The following ERCC6 variants were observed in gnomAD, a reference collection of about 807,000 sequenced individuals.
ERCC6 encodes the protein ERCC excision repair 6, chromatin remodeling factor, also known as DNA excision repair protein ERCC-6.
Under a neutral mutation model 158.7 loss-of-function variants are expected in ERCC6, and 116 were observed. The ratio of observed to expected loss-of-function variants is 0.73; its 90% CI spans 0.63 to 0.85. The LOEUF (loss-of-function observed/expected upper bound fraction) is 0.85, where lower values mean the gene tolerates loss of function less well. Among genes scored for constraint, ERCC6 ranks in the 40% least tolerant of loss-of-function variants. The pLI is 0.00. For missense variants in ERCC6, 1,698 were observed against 1,799.4 expected, an observed-to-expected ratio of 0.94 and a Z score of 1.02; for synonymous variants, 678 against 659.3, an observed-to-expected ratio of 1.03 and a Z score of -0.43.
chr10:49,528,517 C>A lies in ERCC6; in HGVS notation c.552G>T (p.Gln184His). The A allele has an allele frequency of 1.2e-6, 2 of 1,614,088 alleles. No individual in the cohort carries two copies. Among genetic ancestry groups the A allele is most frequent in the Non-Finnish European group, 1.7e-6 (2 of 1,180,006 alleles). The part of the protein sequence containing the change: ...VKRQKYNKEQ[Q>H]LKKITAKQKH... ...TTTGTTTTGCAGTGATCTTTTTTAG[C>A]TGTTGTTCCTTGAATGGTAAATATA... is the stretch of plus-strand genomic sequence containing the variant. Residue 184 changes from glutamine to histidine, a missense_variant, in exon 4 of 21, where the codon CAG becomes CAT. By Grantham distance (24) the Gln-to-His change is conservative. Transcript: ENST00000355832.
chr10:49,466,484 G>C (rs1352105629), intron 18 of ERCC6, among the ~76,000 whole-genome samples: 2 of 152,200 alleles, frequency 1.3e-5, no homozygotes, highest in Admixed American at 1.3e-4. Context: ...GAGCTTATTA[G>C]AGTGTAACTG....
chr10:49,520,487 A>G (rs1837126760), intron 5 of ERCC6, among the ~76,000 whole-genome samples: 1 of 152,180 alleles, frequency 6.6e-6, no homozygotes, highest in Non-Finnish European at 1.5e-5. Context: ...CATATCTGGA[A>G]ATGCATTTTC....
In ERCC6 at chr10:49,513,018, C is replaced by A. The variant is rs561109792; in HGVS notation, c.1398-7006G>T. Among the ~76,000 whole-genome samples the A allele has an allele frequency of 1.6e-3, 250 of 152,314 alleles. 2 individuals carry two copies. The highest frequency in any genetic ancestry group is 2.3e-3 in the Non-Finnish European group (154 of 68,024). On this transcript the variant is annotated intron_variant, in intron 5 of 20. Coordinates refer to ENST00000355832, the MANE Select transcript of ERCC6 (RefSeq NM_000124.4). ...CCCTCCTTCACGGTTCTCACAGACC[C>A]TCATTTCAAGCATCTTACTGCCTTG...
intron 15 of ERCC6, 159 bp from the exon 16 acceptor site, chr10:49,472,629 A>T: frequency 1.2e-6 from 1 of 812,054 alleles, no homozygotes; most frequent in Non-Finnish European, 2.0e-6. Context: ...GAAGATGAAC[A>T]GCCAGTTGAA....
chr10:49,514,677 C>T (rs1174846042), intron 5 of ERCC6, among the ~76,000 whole-genome samples: 1 of 152,166 alleles, frequency 6.6e-6, no homozygotes, highest in Non-Finnish European at 1.5e-5. Flanking sequence ...CATTCTCTAC[C>T]TATTGCAATA....
At chr10:49,445,752 A>G in the ERCC6 span, among the ~76,000 whole-genome samples, 1 of 152,362 alleles carries the variant, frequency 6.6e-6, no homozygotes, top group East Asian at 1.9e-4. Flanking sequence ...GAAAGAAACT[A>G]TAAATAGAGT....
In ERCC6 at chr10:49,524,266, C is replaced by T. The variant is rs2132620732; in HGVS notation, c.1164G>A (p.Val388=). Residue 388 remains valine, a synonymous_variant, in exon 5 of 21, where the codon GTG becomes GTA. Coordinates refer to ENST00000355832, the MANE Select transcript of ERCC6 (RefSeq NM_000124.4). Reference sequence around the variant, plus strand: ...CAGACAGGTCCGCCTCTGCCCCCTCCACCTCGTCATCTTCCTCCTCTTCCT... The same window carrying T: ...CAGACAGGTCCGCCTCTGCCCCCTCTACCTCGTCATCTTCCTCCTCTTCCT... ...EEEEEEEDDE[V]EGAEADLSGD... is the part of the protein sequence containing the mutation. 1 of 1,614,040 alleles carries T rather than the reference C, an allele frequency of 6.2e-7. No homozygotes were observed.
At chr10:49,473,072 A>G (rs1255019204) in intron 14 of ERCC6, 44 bp from the exon 15 acceptor site, 13 of 1,613,514 alleles carry the variant, frequency 8.1e-6, no homozygotes, top group African/African-American at 1.3e-5. Flanking sequence ...ACTTAAGACC[A>G]GTTACAGTTC....
chr10:49,500,701 G>A lies in ERCC6; in HGVS notation c.1527-5C>T. The A allele has an allele frequency of 6.2e-7, 1 of 1,613,394 alleles. No individual in the cohort carries two copies. Among genetic ancestry groups the A allele is most frequent in the Non-Finnish European group, 8.5e-7 (1 of 1,179,790 alleles). On this transcript the variant is annotated splice_region_variant and splice_polypyrimidine_tract_variant and intron_variant, in intron 6 of 20. Transcript: ENST00000355832. The stretch of plus-strand genomic sequence containing the variant: ...CTAACACCTGTCTGCTGGTACCTAT[G>A]ACAACAAACACCAACAAGAAAAGAG...
intron 5 of ERCC6, among the ~76,000 whole-genome samples, chr10:49,507,832 A>G (rs562407917): frequency 6.6e-6 from 1 of 152,302 alleles, no homozygotes; most frequent in East Asian, 1.9e-4. Context: ...CTCGGTAAAA[A>G]GTTATCAAGT....
upstream of ERCC6, among the ~76,000 whole-genome samples, chr10:49,539,247 A>C (rs894485750): frequency 6.6e-6 from 1 of 152,276 alleles, no homozygotes; most frequent in African/African-American, 2.4e-5. Flanking sequence ...GCTGCCGGTC[A>C]GCTGGGTGGC....
At chr10:49,529,405 G>A (rs1262930947) in intron 3 of ERCC6, among the ~76,000 whole-genome samples, 1 of 152,138 alleles carries the variant, frequency 6.6e-6, no homozygotes, top group Non-Finnish European at 1.5e-5. Context: ...AGTTAGACTA[G>A]GACCTGAAGT....
chr10:49,530,464 T>C (rs1387382277), intron 3 of ERCC6, among the ~76,000 whole-genome samples: 1 of 152,196 alleles, frequency 6.6e-6, no homozygotes, highest in African/African-American at 2.4e-5. Flanking sequence ...TGTAACCCTG[T>C]TGTAAATCAA....
chr10:49,515,382 C>T (rs1469177472), intron 5 of ERCC6: 15 of 1,613,948 alleles, frequency 9.3e-6, no homozygotes, highest in Non-Finnish European at 1.3e-5. Context: ...GGCAACATCA[C>T]ATTTTTCACA....
Position 49,490,644 on chromosome 10 carries a change from C to T in ERCC6, c.1821+2473G>A, listed in dbSNP as rs562534485. The stretch of plus-strand genomic sequence containing the variant: ...CTGGGATTACAGGCATGAGCCACCA[C>T]GCCCGGACAATTTTCAAAATTTATG... On this transcript the variant is annotated intron_variant, in intron 8 of 20. Coordinates refer to ENST00000355832, the MANE Select transcript of ERCC6 (RefSeq NM_000124.4). Among the ~76,000 whole-genome samples the T allele has an allele frequency of 3.1e-3, 471 of 152,298 alleles. 6 individuals carry two copies. Among genetic ancestry groups the T allele is most frequent in the Non-Finnish European group, 1.3e-3 (88 of 68,028 alleles).
chr10:49,526,300 T>A (rs1297653822), intron 4 of ERCC6, among the ~76,000 whole-genome samples: 1 of 149,484 alleles, frequency 6.7e-6, no homozygotes, highest in Non-Finnish European at 1.5e-5. Context: ...AGATGTGTAG[T>A]GGTACCACAT....
intron 5 of ERCC6, chr10:49,516,954 G>A: frequency 1.2e-6 from 2 of 1,614,028 alleles, no homozygotes; most frequent in Non-Finnish European, 1.7e-6. Flanking sequence ...CAAAGAACCT[G>A]GCAGATTATT....
In ERCC6 at chr10:49,483,254, A is replaced by G. The variant is rs913435891; in HGVS notation, c.1992+92T>C. 2.2e-5 allele frequency: 29 copies of G among 1,322,114 alleles called. No individual in the cohort carries two copies. The Admixed American group carries it at 5.0e-4, about 23-fold the overall frequency. 81.9% of individuals were successfully genotyped at this position (1,322,114 alleles called of 1,614,324 possible). A position where few individuals can be genotyped will look rare whatever the true frequency, so the allele number is the denominator to read the frequency against. ...TCTTGTGCAGTTGGCACAAGGAAAG[A>G]TTCAATAAATGTGTTACTAAAAGCA... On this transcript the variant is annotated intron_variant, in intron 9 of 20. Coordinates refer to ENST00000355832, the MANE Select transcript of ERCC6 (RefSeq NM_000124.4).
chr10:49,507,799 C>T (rs540572731), intron 5 of ERCC6, among the ~76,000 whole-genome samples: 13 of 152,236 alleles, frequency 8.5e-5, no homozygotes, highest in African/African-American at 3.1e-4. Flanking sequence ...CATCCTACAC[C>T]ACACAGGACA....
Sources: gnomAD v4.1 joint callset for allele counts (sites outside exome capture counted in the v4.1 genomes callset) on GRCh38, gnomAD v4.1.1 for gene constraint, MANE v1.5 for transcripts, NCBI Gene and HGNC (gene_info 2026-07-23, HGNC 2026-07-21) for gene names.